The following ZNF892 variants were observed in gnomAD, a reference collection of about 807,000 sequenced individuals.
ZNF892 encodes the protein zinc finger protein 570-like.
the ZNF892 span, among the ~76,000 whole-genome samples, chr2:95,242,832 T>C: frequency 4.0e-5 from 6 of 151,734 alleles, no homozygotes; most frequent in Admixed American, 6.6e-5. Flanking sequence ...CCTCTCCCTC[T>C]CCCCACGGTC....
At chr2:95,211,805 T>C in the ZNF892 span, 22 of 397,792 alleles carry the variant, frequency 5.5e-5, no homozygotes, top group Non-Finnish European at 9.7e-5. Context: ...AAGGTCCTTA[T>C]ATTCAATGAT....
the ZNF892 span, among the ~76,000 whole-genome samples, chr2:95,226,825 G>A: frequency 6.6e-6 from 1 of 151,996 alleles, no homozygotes; most frequent in Admixed American, 6.6e-5. Flanking sequence ...TCTACCACCT[G>A]TTTCACTAAG....
chr2:95,222,662 A>C, the ZNF892 span, among the ~76,000 whole-genome samples: 1 of 152,186 alleles, frequency 6.6e-6, no homozygotes, highest in African/African-American at 2.4e-5. Flanking sequence ...TTTTAAAAGA[A>C]TTCTATTGTT....
chr2:95,235,617 T>G, the ZNF892 span, among the ~76,000 whole-genome samples: 39 of 152,270 alleles, frequency 2.6e-4, no homozygotes, highest in African/African-American at 8.7e-4. Flanking sequence ...CACCTCGGCC[T>G]CCCAAAATGC....
At chr2:95,262,243 A>G in the ZNF892 span, among the ~76,000 whole-genome samples, 1 of 152,206 alleles carries the variant, frequency 6.6e-6, no homozygotes, top group African/African-American at 2.4e-5. Flanking sequence ...GTGCTCTGAC[A>G]GGGAGAATTT....
chr2:95,229,487 G>T, the ZNF892 span, among the ~76,000 whole-genome samples: 1 of 152,022 alleles, frequency 6.6e-6, no homozygotes, highest in Non-Finnish European at 1.5e-5. Context: ...ATCCCTGTGG[G>T]TGATCACTGG....
the ZNF892 span, among the ~76,000 whole-genome samples, chr2:95,224,842 T>C: frequency 1.3e-5 from 2 of 152,200 alleles, no homozygotes; most frequent in Non-Finnish European, 2.9e-5. Flanking sequence ...TTAATACTAT[T>C]CTCGTGAGAG....
chr2:95,256,654 T>C, the ZNF892 span, among the ~76,000 whole-genome samples: 1 of 152,238 alleles, frequency 6.6e-6, no homozygotes, highest in Non-Finnish European at 1.5e-5. Flanking sequence ...CTGGATAATA[T>C]CCTGCAGAGT....
the ZNF892 span, among the ~76,000 whole-genome samples, chr2:95,260,120 T>G: frequency 1.3e-4 from 20 of 152,230 alleles, no homozygotes; most frequent in Non-Finnish European, 2.2e-4. Context: ...AGGCTCCTTT[T>G]TCCAGCTGGC....
At chr2:95,238,126 G>A in the ZNF892 span, among the ~76,000 whole-genome samples, 2 of 152,258 alleles carry the variant, frequency 1.3e-5, no homozygotes, top group East Asian at 1.9e-4. Context: ...AGACAAAACA[G>A]CTTTTTATTG....
the ZNF892 span, among the ~76,000 whole-genome samples, chr2:95,239,630 A>T: frequency 1.3e-5 from 2 of 151,518 alleles, no homozygotes; most frequent in African/African-American, 4.8e-5. Flanking sequence ...ATGGAGTCTC[A>T]CTCTGTCGCC....
At chr2:95,260,710 C>G in the ZNF892 span, among the ~76,000 whole-genome samples, 2 of 152,202 alleles carry the variant, frequency 1.3e-5, no homozygotes, top group Non-Finnish European at 2.9e-5. Context: ...TTCTGTCTCC[C>G]TGGGCCCAGG....
At chr2:95,230,219 G>A in the ZNF892 span, among the ~76,000 whole-genome samples, 9 of 152,096 alleles carry the variant, frequency 5.9e-5, no homozygotes, top group African/African-American at 2.2e-4. Context: ...GACTCAGGGG[G>A]AAAGGGTGGG....
chr2:95,234,958 G>C, the ZNF892 span, among the ~76,000 whole-genome samples: 1 of 152,176 alleles, frequency 6.6e-6, no homozygotes, highest in South Asian at 2.1e-4. Context: ...GGCCTTGTGG[G>C]AGTGAGTTCT....
At chr2:95,215,117 T>C in the ZNF892 span, 1 of 494,046 alleles carries the variant, frequency 2.0e-6, no homozygotes, top group Non-Finnish European at 3.7e-6. Flanking sequence ...AGAAACCTTA[T>C]AAGTGTAACG....
chr2:95,230,149 A>T, the ZNF892 span, among the ~76,000 whole-genome samples: 1 of 152,186 alleles, frequency 6.6e-6, no homozygotes, highest in Non-Finnish European at 1.5e-5. Context: ...GTTCTCACTT[A>T]TAAGTGGGAG....
the ZNF892 span, among the ~76,000 whole-genome samples, chr2:95,218,720 CCTGGAAG>C: frequency 6.6e-6 from 1 of 152,190 alleles, no homozygotes; most frequent in African/African-American, 2.4e-5. Flanking sequence ...TTCTCACAGT[CCTGGAAG>C]CTGTAAGTCT....
At chr2:95,226,529 A>C in the ZNF892 span, among the ~76,000 whole-genome samples, 2 of 152,182 alleles carry the variant, frequency 1.3e-5, no homozygotes, top group Non-Finnish European at 2.9e-5. Context: ...TATAATCATG[A>C]ATTGTGAGCT....
At chr2:95,242,313 G>A in the ZNF892 span, among the ~76,000 whole-genome samples, 1 of 152,196 alleles carries the variant, frequency 6.6e-6, no homozygotes, top group Non-Finnish European at 1.5e-5. Flanking sequence ...AACCTTACTG[G>A]CCAGAAGCAA....
Sources: allele counts gnomAD v4.1 joint callset (sites outside exome capture counted in the v4.1 genomes callset), GRCh38; gene constraint gnomAD v4.1.1; transcripts MANE v1.5; gene names NCBI Gene and HGNC (gene_info 2026-07-23, HGNC 2026-07-21).